NUBPL: variants seen among roughly 807,000 people sequenced by gnomAD.
NUBPL encodes NUBP iron-sulfur cluster assembly factor, mitochondrial.
NUBPL carries 31 observed loss-of-function variants against 45.7 expected under a neutral mutation model. The ratio of observed to expected loss-of-function variants is 0.68; its 90% CI spans 0.51 to 0.92. NUBPL has a LOEUF of 0.92. NUBPL is among the 40% of genes least tolerant of loss of function. The pLI, the probability that NUBPL is intolerant of heterozygous loss-of-function variation, is 0.00. For missense variants in NUBPL, 401 were observed against 398.7 expected, an observed-to-expected ratio of 1.01 and a Z score of -0.05; for synonymous variants, 144 against 140.9, an observed-to-expected ratio of 1.02 and a Z score of -0.15.
At chr14:31,710,584 G>A (rs1036370664) in intron 6 of NUBPL, among the ~76,000 whole-genome samples, 11 of 152,122 alleles carry the variant, frequency 7.2e-5, no homozygotes, top group African/African-American at 9.7e-5. Context: ...TGTTACAGAC[G>A]CATTCTCGAA....
chr14:31,621,961 A>G (rs1223803043), intron 4 of NUBPL, among the ~76,000 whole-genome samples: 1 of 152,190 alleles, frequency 6.6e-6, no homozygotes, highest in Non-Finnish European at 1.5e-5. Flanking sequence ...GATATGGGAA[A>G]GTTTAGAACT....
intron 6 of NUBPL, among the ~76,000 whole-genome samples, chr14:31,745,242 C>T: frequency 6.6e-6 from 1 of 152,014 alleles, no homozygotes; most frequent in East Asian, 1.9e-4. Flanking sequence ...TGATGTTCCC[C>T]TTCCTGTGTC....
chr14:31,841,933 T>TG, intron 8 of NUBPL, among the ~76,000 whole-genome samples: 1 of 124,414 alleles, frequency 8.0e-6, no homozygotes, highest in South Asian at 2.9e-4. Flanking sequence ...TTTTTTTTTT[T>TG]TTTTTTTTTT....
intron 6 of NUBPL, among the ~76,000 whole-genome samples, chr14:31,712,612 G>A (rs994511149): frequency 6.6e-6 from 1 of 152,250 alleles, no homozygotes; most frequent in Non-Finnish European, 1.5e-5. Flanking sequence ...AGCGCTCCTC[G>A]AGTGCAGCCA....
At chr14:31,606,605 C>G (rs1271213367) in intron 4 of NUBPL, among the ~76,000 whole-genome samples, 1 of 152,110 alleles carries the variant, frequency 6.6e-6, no homozygotes, top group Non-Finnish European at 1.5e-5. Context: ...GTTAGCCCAG[C>G]CGGTTAGGGT....
chr14:31,671,038 A>G lies in NUBPL; in HGVS notation c.383-2317A>G, dbSNP rs184143165. 4.6e-4 allele frequency among the ~76,000 whole-genome samples: 70 copies of G among 152,328 alleles called. No homozygotes were observed. The East Asian group carries it at 8.3e-3, about 18-fold the overall frequency. On this transcript the variant is annotated intron_variant, in intron 4 of 10. Coordinates refer to ENST00000281081, the MANE Select transcript of NUBPL (RefSeq NM_025152.3). ...TCATTGGTAGATTGATAGGAATAGC[A>G]TTGAATCTGTAAATTGCCTTGGGGA...
chr14:31,792,849 A>T (rs932233581), intron 7 of NUBPL, among the ~76,000 whole-genome samples: 1 of 152,130 alleles, frequency 6.6e-6, no homozygotes, highest in Non-Finnish European at 1.5e-5. Flanking sequence ...CACAGATAGC[A>T]TATCTAAAAA....
chr14:31,852,311 T>C (rs1415313544), intron 10 of NUBPL, among the ~76,000 whole-genome samples: 2 of 152,248 alleles, frequency 1.3e-5, no homozygotes, highest in African/African-American at 4.8e-5. Flanking sequence ...TTCCCTTTGC[T>C]AAAGAGCTGA....
chr14:31,745,100 G>A (rs1310508584), intron 6 of NUBPL, among the ~76,000 whole-genome samples: 3 of 151,380 alleles, frequency 2.0e-5, no homozygotes, highest in Non-Finnish European at 4.4e-5. Flanking sequence ...TGTGCACAAT[G>A]TGCAGGTTTG....
intron 4 of NUBPL, among the ~76,000 whole-genome samples, chr14:31,660,301 G>A (rs542554433): frequency 6.6e-6 from 1 of 152,230 alleles, no homozygotes; most frequent in South Asian, 2.1e-4. Context: ...CGTGGTACTA[G>A]TATTTTCTGG....
At chr14:31,826,235 C>T (rs969148867) in intron 7 of NUBPL, among the ~76,000 whole-genome samples, 6 of 152,076 alleles carry the variant, frequency 3.9e-5, no homozygotes, top group African/African-American at 1.2e-4. Context: ...ATTCTCCTGC[C>T]GCAGCCTCCC....
chr14:31,798,339 A>G (rs991915106), intron 7 of NUBPL, among the ~76,000 whole-genome samples: 2 of 128,890 alleles, frequency 1.6e-5, no homozygotes, highest in Non-Finnish European at 3.2e-5. Context: ...TGTATATAAT[A>G]TCCATGTGGT....
At chr14:31,608,162 A>G (rs568076270) in intron 4 of NUBPL, among the ~76,000 whole-genome samples, 2 of 152,328 alleles carry the variant, frequency 1.3e-5, no homozygotes, top group South Asian at 4.1e-4. Flanking sequence ...TCAAGCATCA[A>G]GAAGAAATAA....
At chr14:31,828,992 T>C (rs564025275) in intron 8 of NUBPL, among the ~76,000 whole-genome samples, 1 of 152,302 alleles carries the variant, frequency 6.6e-6, no homozygotes, top group Admixed American at 6.5e-5. Context: ...AAATGAAGGC[T>C]GATGGACTGC....
intron 6 of NUBPL, among the ~76,000 whole-genome samples, chr14:31,726,245 T>C (rs2037922243): frequency 6.6e-6 from 1 of 152,210 alleles, no homozygotes; most frequent in Non-Finnish European, 1.5e-5. Flanking sequence ...TATAAAGATC[T>C]GTCCAAAGCA....
intron 4 of NUBPL, among the ~76,000 whole-genome samples, chr14:31,619,336 G>C (rs1257162157): frequency 6.6e-6 from 1 of 152,192 alleles, no homozygotes; most frequent in African/African-American, 2.4e-5. Flanking sequence ...TAGGATGCTA[G>C]GTGGTTATTT....
chr14:31,847,074 G>T (rs2040465343), intron 9 of NUBPL, among the ~76,000 whole-genome samples: 1 of 152,074 alleles, frequency 6.6e-6, no homozygotes, highest in Non-Finnish European at 1.5e-5. Flanking sequence ...TTTTTGAATA[G>T]GTTTGTTCTG....
chr14:31,746,006 CTT>C (rs1229941796), intron 6 of NUBPL, among the ~76,000 whole-genome samples: 1 of 151,982 alleles, frequency 6.6e-6, no homozygotes, highest in Non-Finnish European at 1.5e-5. Context: ...GGCGGACTCT[CTT>C]AGAAAAGCTG....
chr14:31,798,250 A>G (rs1379408875), intron 7 of NUBPL, among the ~76,000 whole-genome samples: 1 of 132,122 alleles, frequency 7.6e-6, no homozygotes, highest in Non-Finnish European at 1.7e-5. Flanking sequence ...CGTGCATTTT[A>G]TTTTATTTCC....
Sources: allele counts gnomAD v4.1 joint callset (sites outside exome capture counted in the v4.1 genomes callset), GRCh38; gene constraint gnomAD v4.1.1; transcripts MANE v1.5; gene names NCBI Gene and HGNC (gene_info 2026-07-23, HGNC 2026-07-21).